The following RGS22 variants were observed in gnomAD, a reference collection of about 807,000 sequenced individuals.
RGS22 encodes regulator of G-protein signaling 22.
In RGS22, 148 loss-of-function variants were observed where a neutral mutation model predicts 172.9. That is an observed-to-expected ratio of 0.86 (90% CI 0.75 to 0.98). RGS22 has a LOEUF of 0.98. Among genes scored for constraint, RGS22 ranks in the 50% least tolerant of loss-of-function variants. The probability of loss-of-function intolerance (pLI) is 0.00; values close to 1 mark genes in which losing one functional copy is unlikely to be tolerated. For missense variants in RGS22, 1,347 were observed against 1,440.8 expected (o/e 0.93, Z 1.05); for synonymous variants, 458 against 480.2 (o/e 0.95, Z 0.60).
intron 3 of RGS22, among the ~76,000 whole-genome samples, chr8:100,088,966 G>T (rs1812358185): frequency 6.6e-6 from 1 of 151,964 alleles, no homozygotes; most frequent in African/African-American, 2.4e-5. Context: ...CAGGAGAAAA[G>T]ATTAGAAGGT....
Position 100,063,578 on chromosome 8 carries a change from C to A in RGS22, c.1190G>T (p.Arg397Met), listed in dbSNP as rs2446927. The A allele has an allele frequency of 4.2e-4, 679 of 1,614,024 alleles. 7 individuals carry two copies. The East Asian group carries it at 0.015, about 36-fold the overall frequency. Residue 397 changes from arginine to methionine, a missense_variant, in exon 8 of 28, where the codon AGG (arginine) becomes ATG (methionine). By Grantham distance (91) the Arg-to-Met change is moderately conservative. Transcript: ENST00000360863. ...SKNESAGPES[R>M]ADWCISHRTY... Reference sequence around the variant, plus strand: ...CCTATGAGAAATACACCAGTCCGCCCTGCTCTCTGGTCCAGCGCTCTCATT... The same window carrying A: ...CCTATGAGAAATACACCAGTCCGCCATGCTCTCTGGTCCAGCGCTCTCATT...
At chr8:99,989,832 G>A (rs1339589856) in intron 20 of RGS22, among the ~76,000 whole-genome samples, 3 of 151,920 alleles carry the variant, frequency 2.0e-5, no homozygotes, top group Non-Finnish European at 4.4e-5. Flanking sequence ...GCGACAGAGC[G>A]AGACTCTGTC....
chr8:99,964,389 G>T (rs748498748), intron 24 of RGS22, among the ~76,000 whole-genome samples: 2 of 151,354 alleles, frequency 1.3e-5, no homozygotes, highest in Non-Finnish European at 2.9e-5. Flanking sequence ...AGGAAGTTGA[G>T]GCTGCAAAGA....
intron 2 of RGS22, among the ~76,000 whole-genome samples, chr8:100,103,361 T>A (rs998123953): frequency 3.9e-5 from 6 of 152,128 alleles, no homozygotes; most frequent in African/African-American, 1.4e-4. Flanking sequence ...GAGAAAAAGA[T>A]CTGGCTATGA....
At chr8:100,010,803 T>C (rs1175154519) in intron 14 of RGS22, among the ~76,000 whole-genome samples, 1 of 151,540 alleles carries the variant, frequency 6.6e-6, no homozygotes, top group African/African-American at 2.4e-5. Flanking sequence ...AGAGAGAAGA[T>C]AATTCTTTTT....
At chr8:100,068,135 TC>T (rs1810673657) in intron 6 of RGS22, among the ~76,000 whole-genome samples, 1 of 152,176 alleles carries the variant, frequency 6.6e-6, no homozygotes, top group Non-Finnish European at 1.5e-5. Flanking sequence ...ATGCCTATAA[TC>T]CTAGCACTTT....
intron 2 of RGS22, among the ~76,000 whole-genome samples, chr8:100,102,272 T>C (rs535017256): frequency 6.6e-4 from 101 of 152,300 alleles, no homozygotes; most frequent in African/African-American, 2.4e-3. Context: ...TCTGCCTACA[T>C]CGTATTGGCC....
chr8:99,977,706 T>G (rs1812128724), intron 23 of RGS22, among the ~76,000 whole-genome samples: 1 of 151,688 alleles, frequency 6.6e-6, no homozygotes, highest in East Asian at 1.9e-4. Context: ...CCACAGAGAG[T>G]CAAGGAAGTC....
intron 13 of RGS22, among the ~76,000 whole-genome samples, chr8:100,039,709 T>C (rs903069966): frequency 6.7e-6 from 1 of 149,330 alleles, no homozygotes; most frequent in Non-Finnish European, 1.5e-5. Context: ...TAAGACTGAT[T>C]TTTTTTTTTT....
chr8:99,978,116 G>T (rs1426589962), intron 22 of RGS22, 41 bp from the exon 23 acceptor site: 3 of 1,229,962 alleles, frequency 2.4e-6, no homozygotes, highest in Non-Finnish European at 3.3e-6. Context: ...TTATACAAAG[G>T]TACCAATTTA....
At chr8:100,105,629 C>A (rs1040883723) in intron 1 of RGS22, 4 of 594,214 alleles carry the variant, frequency 6.7e-6, no homozygotes, top group Non-Finnish European at 1.2e-5. Flanking sequence ...TTCACTGTGA[C>A]CCAGGAGTTA....
intron 3 of RGS22, among the ~76,000 whole-genome samples, chr8:100,085,559 T>G (rs773269987): frequency 6.6e-6 from 1 of 152,174 alleles, no homozygotes; most frequent in Non-Finnish European, 1.5e-5. Context: ...AGTTCATGAG[T>G]CAGTTGTTCC....
intron 3 of RGS22, among the ~76,000 whole-genome samples, chr8:100,081,480 T>G (rs1423717505): frequency 6.6e-6 from 1 of 151,740 alleles, no homozygotes; most frequent in East Asian, 1.9e-4. Flanking sequence ...TCAAGATGAA[T>G]GTCAGTCCAC....
At chr8:100,061,531 C>A (rs1460777762) in intron 9 of RGS22, among the ~76,000 whole-genome samples, 1 of 152,058 alleles carries the variant, frequency 6.6e-6, no homozygotes, top group African/African-American at 2.4e-5. Flanking sequence ...ATGTGGCCAA[C>A]AGTCATATGA....
At chr8:100,016,978 CT>C (rs71274949) in intron 14 of RGS22, among the ~76,000 whole-genome samples, 61 of 36,122 alleles carry the variant, frequency 1.7e-3, no homozygotes, top group African/African-American at 2.6e-3. Context: ...CCTTACCAGT[CT>C]TTTTTTTTTT....
intron 23 of RGS22, among the ~76,000 whole-genome samples, chr8:99,967,758 A>C (rs932139716): frequency 6.6e-6 from 1 of 151,952 alleles, no homozygotes; most frequent in African/African-American, 2.4e-5. Flanking sequence ...CAAACTCCCA[A>C]CTCCCTGGGA....
rs1396311686 is a variant in RGS22, at chr8:100,039,070, A to G, written c.2065-38T>C. ...AAAGTACATAAATTATTACCACCCA[A>G]TTATTAAAACTCTTACAAAGCTCTA... is the stretch of plus-strand genomic sequence containing the variant. On this transcript the variant is annotated intron_variant, in intron 13 of 27. Transcript: ENST00000360863. 5.1e-6 allele frequency: 6 copies of G among 1,187,316 alleles called. No individual in the cohort carries two copies. The South Asian group carries it at 8.2e-5, about 16-fold the overall frequency. 73.5% of individuals were successfully genotyped at this position (1,187,316 alleles called of 1,614,324 possible).
chr8:100,051,395 TTA>T (rs568611211), intron 10 of RGS22, among the ~76,000 whole-genome samples: 72 of 126,346 alleles, frequency 5.7e-4, no homozygotes, highest in African/African-American at 2.0e-3. Flanking sequence ...ATATATATTT[TTA>T]TATATATATT....
chr8:100,065,125 A>G (rs1343054868), intron 7 of RGS22, among the ~76,000 whole-genome samples: 1 of 152,222 alleles, frequency 6.6e-6, no homozygotes, highest in Non-Finnish European at 1.5e-5. Context: ...CATTTTCTCA[A>G]TTACCAGAGT....
Sources: allele counts gnomAD v4.1 joint callset (sites outside exome capture counted in the v4.1 genomes callset), GRCh38; gene constraint gnomAD v4.1.1; transcripts MANE v1.5; gene names NCBI Gene and HGNC (gene_info 2026-07-23, HGNC 2026-07-21).